DOCK9: variants seen among roughly 807,000 people sequenced by gnomAD.
DOCK9 encodes the protein dedicator of cytokinesis 9, also known as dedicator of cytokinesis protein 9.
A neutral mutation model predicts 263.3 loss-of-function variants in DOCK9; 89 were observed. The ratio of observed to expected loss-of-function variants is 0.34; its 90% CI spans 0.28 to 0.40. The LOEUF is 0.40. Among genes scored for constraint, DOCK9 ranks in the 10% least tolerant of loss-of-function variants. The pLI, the probability that DOCK9 is intolerant of heterozygous loss-of-function variation, is 1.00. For synonymous variants in DOCK9, 976 were observed against 973.1 expected (o/e 1.00, Z -0.06); for missense variants, 2,140 against 2,603.4 (o/e 0.82, Z 3.87).
upstream of DOCK9, chr13:98,978,144 C>T: frequency 7.4e-7 from 1 of 1,357,782 alleles, no homozygotes; most frequent in Non-Finnish European, 9.5e-7. Context: ...CTCCTACTTG[C>T]TGGCCAAAGG....
At chr13:98,987,944 A>AT (rs35676623) in intron 1 of DOCK9, among the ~76,000 whole-genome samples, 2 of 143,732 alleles carry the variant, frequency 1.4e-5, no homozygotes, top group African/African-American at 5.1e-5. Context: ...AGCATATAAA[A>AT]TTTTTTTTAA....
At chr13:99,030,874 A>C (rs1481402493) in intron 1 of DOCK9, among the ~76,000 whole-genome samples, 1 of 152,220 alleles carries the variant, frequency 6.6e-6, no homozygotes, top group Non-Finnish European at 1.5e-5. Flanking sequence ...CCATTCAAAA[A>C]CATGCAAATT....
chr13:98,825,840 T>TC lies in DOCK9; in HGVS notation c.5023+989dup. The TC allele has an allele frequency of 6.9e-7, 1 of 1,442,714 alleles. No individual in the cohort carries two copies. Among genetic ancestry groups the TC allele is most frequent in the Non-Finnish European group, 9.2e-7 (1 of 1,088,778 alleles). The allele number at this position is 1,442,714 out of a possible 1,614,324, so 89.4% of individuals were successfully genotyped here. ...GAGGGCACGTGACCAGGGCAGGGGG[T>TC]CCCCGGGGGCTGGGCTGATCCTCAG... On this transcript the variant is annotated intron_variant, in intron 44 of 52. Transcript: ENST00000682017. The surrounding 1 kb of genome is among the most constrained non-coding windows in gnomAD (Gnocchi z 4.1).
At chr13:98,881,712 T>A (rs2044790111) in intron 24 of DOCK9, 85 bp from the exon 25 acceptor site, 7 of 1,393,958 alleles carry the variant, frequency 5.0e-6, no homozygotes, top group Non-Finnish European at 7.0e-6. Flanking sequence ...AGAACAATGA[T>A]GATGCTATCA....
chr13:99,025,406 A>C (rs1383171373), intron 1 of DOCK9: 1 of 152,238 alleles, frequency 6.6e-6, no homozygotes, highest in Non-Finnish European at 1.5e-5. Flanking sequence ...GACAATAAGC[A>C]AGTGAAGAAT....
chr13:98,881,453 T>A, intron 25 of DOCK9, 105 bp downstream of exon 25: 1 of 912,238 alleles, frequency 1.1e-6, no homozygotes, highest in Non-Finnish European at 1.7e-6. Context: ...AAAGCATACG[T>A]TACAAGCACA....
At chr13:98,950,327 T>C in intron 2 of DOCK9, 1 of 830,294 alleles carries the variant, frequency 1.2e-6, no homozygotes. Flanking sequence ...TTTCCTTTCT[T>C]CTGCTCCTTC....
intron 3 of DOCK9, among the ~76,000 whole-genome samples, chr13:98,926,200 C>G (rs2052933996): frequency 6.6e-6 from 1 of 152,182 alleles, no homozygotes; most frequent in African/African-American, 2.4e-5. Context: ...AACCTTGTGA[C>G]ATTTACTTAA....
In DOCK9 at chr13:98,995,547, G is replaced by A. The variant is rs1390692931; in HGVS notation, c.130-39996C>T. 3.4e-5 allele frequency among the ~76,000 whole-genome samples: 5 copies of A among 146,094 alleles called. No individual in the cohort carries two copies. In the East Asian group the frequency reaches 1.0e-3, roughly 30 times the overall value. On this transcript the variant is annotated intron_variant, in intron 1 of 32. Transcript: ENST00000427887. ...TCTGTCCCCCAGGCTGGAGTACAGT[G>A]GCGCGATCTCGGCTCACTGCAAGCT... is the stretch of plus-strand genomic sequence containing the variant.
chr13:98,959,948 G>T (rs1271639623), intron 1 of DOCK9, among the ~76,000 whole-genome samples: 1 of 152,196 alleles, frequency 6.6e-6, no homozygotes, highest in Non-Finnish European at 1.5e-5. Flanking sequence ...CCAGGTGCTG[G>T]TGGGGCATGG....
intron 20 of DOCK9, 114 bp downstream of exon 20, chr13:98,885,594 T>A: frequency 1.7e-6 from 2 of 1,200,544 alleles, no homozygotes; most frequent in Non-Finnish European, 2.3e-6. Context: ...CCGTTACCTA[T>A]AAAATTCATT....
chr13:98,924,139 TG>T (rs1458753602), intron 4 of DOCK9, among the ~76,000 whole-genome samples: 1 of 152,164 alleles, frequency 6.6e-6, no homozygotes, highest in African/African-American at 2.4e-5. Context: ...GCCAATCCAA[TG>T]GGAAGAATTA....
intron 27 of DOCK9, among the ~76,000 whole-genome samples, chr13:98,872,741 C>T (rs1395154947): frequency 6.6e-6 from 1 of 152,216 alleles, no homozygotes; most frequent in Non-Finnish European, 1.5e-5. Flanking sequence ...TCATCATTTT[C>T]ATTCCCAAAG....
intron 1 of DOCK9, among the ~76,000 whole-genome samples, chr13:98,975,470 C>CAT (rs2060169583): frequency 1.6e-5 from 2 of 123,866 alleles, no homozygotes; most frequent in African/African-American, 3.1e-5. Context: ...TCTCTAAACA[C>CAT]ATACACACAC....
chr13:98,946,391 C>T (rs1369181732), intron 2 of DOCK9, among the ~76,000 whole-genome samples: 1 of 152,104 alleles, frequency 6.6e-6, no homozygotes, highest in African/African-American at 2.4e-5. Context: ...CCCCCTGCCA[C>T]TCTCCATGGC....
intron 9 of DOCK9, among the ~76,000 whole-genome samples, chr13:98,905,048 A>G (rs536478565): frequency 6.6e-6 from 1 of 152,362 alleles, no homozygotes; most frequent in South Asian, 2.1e-4. Flanking sequence ...AAGGGGCAGA[A>G]TCGAGCTGAA....
At chr13:98,892,703 G>A (rs2046804602) in intron 15 of DOCK9, among the ~76,000 whole-genome samples, 2 of 152,188 alleles carry the variant, frequency 1.3e-5, no homozygotes, top group Admixed American at 6.5e-5. Context: ...AGTAGACACT[G>A]TAAGCTACTT....
chr13:98,796,289 A>G (rs1297812548), intron 52 of DOCK9: 15 of 1,199,798 alleles, frequency 1.3e-5, no homozygotes, highest in Middle Eastern at 1.9e-4. Context: ...TCCTGCAATG[A>G]AAATGTACTA....
chr13:98,979,229 T>TAGTAGCAGCAGCAGC (rs1555439294), upstream of DOCK9, among the ~76,000 whole-genome samples: 798 of 125,000 alleles, frequency 6.4e-3, 4 homozygotes, highest in South Asian at 0.017. Context: ...GTAGTAGTAG[T>TAGTAGCAGCAGCAGC]AGCAGCAGCG....
Sources: gnomAD v4.1 joint callset for allele counts (sites outside exome capture counted in the v4.1 genomes callset) on GRCh38, gnomAD v4.1.1 for gene constraint, Gnocchi (gnomAD v3.1) non-coding constraint, MANE v1.5 for transcripts, NCBI Gene and HGNC (gene_info 2026-07-23, HGNC 2026-07-21) for gene names.